ARHGAP28: variants seen among roughly 807,000 people sequenced by gnomAD.
ARHGAP28 encodes the protein Rho GTPase activating protein 28.
A neutral mutation model predicts 90.7 loss-of-function variants in ARHGAP28; 56 were observed. The observed-to-expected ratio is 0.62, with a 90% confidence interval of 0.50 to 0.77. The LOEUF is 0.77. Among genes scored for constraint, ARHGAP28 ranks in the 30% least tolerant of loss-of-function variants. ARHGAP28 has a pLI of 0.00. For missense variants in ARHGAP28, 869 were observed against 900.9 expected, an observed-to-expected ratio of 0.96 and a Z score of 0.45; for synonymous variants, 308 against 323.3, an observed-to-expected ratio of 0.95 and a Z score of 0.51.
At chr18:6,786,552 C>T (rs890892313) in intron 1 of ARHGAP28, among the ~76,000 whole-genome samples, 1 of 152,138 alleles carries the variant, frequency 6.6e-6, no homozygotes, top group Non-Finnish European at 1.5e-5. Flanking sequence ...ACCACACGCC[C>T]CCCAGCATGC....
At chr18:6,831,124 T>G (rs1427494328) in intron 2 of ARHGAP28, among the ~76,000 whole-genome samples, 1 of 152,186 alleles carries the variant, frequency 6.6e-6, no homozygotes, top group Non-Finnish European at 1.5e-5. Flanking sequence ...ATATGAGTGA[T>G]TCTAGTGGAT....
At position 6,912,333 on chromosome 18, in the gene ARHGAP28, A is replaced by C. The variant is rs1431390; in HGVS notation, c.*179A>C. The C allele has an allele frequency of 7.7e-6, 3 of 390,052 alleles. No homozygotes were observed. The highest frequency in any genetic ancestry group is 1.4e-5 in the Non-Finnish European group (3 of 217,276). 24.2% of individuals were successfully genotyped at this position (390,052 alleles called of 1,614,324 possible). The stretch of plus-strand genomic sequence containing the variant: ...GAAGAGGCGCCGGTTCACCAATTCA[A>C]CTGAAGCTTTCTCATGACTTTTTTT... On this transcript the variant is annotated 3_prime_UTR_variant, in exon 18 of 18. Transcript: ENST00000383472.
At chr18:6,813,208 G>A (rs1205861938) in intron 1 of ARHGAP28, among the ~76,000 whole-genome samples, 3 of 152,146 alleles carry the variant, frequency 2.0e-5, no homozygotes, top group Non-Finnish European at 4.4e-5. Flanking sequence ...TAGAAGACAC[G>A]AATTATTGAT....
chr18:6,835,499 A>G (rs922381477), intron 2 of ARHGAP28, among the ~76,000 whole-genome samples: 3 of 152,194 alleles, frequency 2.0e-5, no homozygotes, highest in African/African-American at 7.2e-5. Flanking sequence ...TGGGCCTGTA[A>G]TACACATCAA....
intron 5 of ARHGAP28, among the ~76,000 whole-genome samples, chr18:6,861,799 T>C (rs897888102): frequency 2.6e-5 from 4 of 152,350 alleles, no homozygotes; most frequent in Admixed American, 1.3e-4. Context: ...CGTTGGTTCA[T>C]TCAGTCATTC....
chr18:6,814,244 C>T (rs80026635), intron 1 of ARHGAP28, among the ~76,000 whole-genome samples: 1,943 of 152,190 alleles, frequency 0.013, 36 homozygotes, highest in African/African-American at 0.045. Context: ...AGTGAGGGCC[C>T]ATGAGGAGGA....
intron 16 of ARHGAP28, chr18:6,898,689 A>T: frequency 1.4e-6 from 2 of 1,418,644 alleles, no homozygotes; most frequent in Non-Finnish European, 1.8e-6. Context: ...TCGTAGAAAG[A>T]AAATGTTTCT....
intron 1 of ARHGAP28, among the ~76,000 whole-genome samples, chr18:6,730,712 A>G (rs7237200): frequency 0.27 from 40,284 of 151,916 alleles, 6,082 homozygotes; most frequent in South Asian, 0.33. Context: ...AAGTGGGTAG[A>G]CAAAAGTATT....
intron 1 of ARHGAP28, among the ~76,000 whole-genome samples, chr18:6,800,364 T>G (rs950723978): frequency 3.9e-5 from 6 of 152,342 alleles, no homozygotes; most frequent in African/African-American, 1.4e-4. Context: ...ACTGGGTATA[T>G]TCCCAAAGGA....
chr18:6,902,065 C>G (rs9960506), intron 16 of ARHGAP28, among the ~76,000 whole-genome samples: 3,066 of 152,228 alleles, frequency 0.02, 86 homozygotes, highest in African/African-American at 0.07. Flanking sequence ...TTAATTACAT[C>G]TGCAAATACC....
intron 3 of ARHGAP28, among the ~76,000 whole-genome samples, chr18:6,840,205 G>A (rs569562565): frequency 2.2e-4 from 33 of 152,308 alleles, no homozygotes; most frequent in African/African-American, 7.7e-4. Context: ...AAAATTCCCT[G>A]GGTTATTTTT....
intron 1 of ARHGAP28, 180 bp downstream of exon 1, chr18:6,730,123 G>A: frequency 1.8e-6 from 1 of 569,822 alleles, no homozygotes; most frequent in Non-Finnish European, 2.6e-6. Flanking sequence ...GGTGGGAAAC[G>A]CTCGAAGGCT....
chr18:6,741,001 C>A (rs2055972344), intron 1 of ARHGAP28, among the ~76,000 whole-genome samples: 1 of 152,116 alleles, frequency 6.6e-6, no homozygotes, highest in Non-Finnish European at 1.5e-5. Flanking sequence ...AGAACTGGCT[C>A]CCTGACTGGG....
At chr18:6,763,232 A>G (rs890341004) in intron 1 of ARHGAP28, among the ~76,000 whole-genome samples, 1 of 151,924 alleles carries the variant, frequency 6.6e-6, no homozygotes, top group Non-Finnish European at 1.5e-5. Flanking sequence ...ACAGGCATGC[A>G]CCACCGTGCC....
intron 14 of ARHGAP28, among the ~76,000 whole-genome samples, chr18:6,891,153 A>G (rs1212858725): frequency 6.6e-6 from 1 of 152,180 alleles, no homozygotes; most frequent in Non-Finnish European, 1.5e-5. Context: ...TTTGCCCTCA[A>G]AGGAACTTAC....
intron 1 of ARHGAP28, among the ~76,000 whole-genome samples, chr18:6,769,375 A>T (rs573575127): frequency 3.3e-5 from 5 of 152,304 alleles, no homozygotes; most frequent in African/African-American, 1.2e-4. Context: ...CTCCATGTCT[A>T]TCGTTTCATT....
intron 4 of ARHGAP28, among the ~76,000 whole-genome samples, chr18:6,856,958 T>C (rs1266203887): frequency 6.6e-6 from 1 of 152,246 alleles, no homozygotes; most frequent in Non-Finnish European, 1.5e-5. Context: ...CTAAATAATA[T>C]TGCATTGTAT....
At chr18:6,754,822 A>T (rs1382968401) in intron 1 of ARHGAP28, 1 of 152,112 alleles carries the variant, frequency 6.6e-6, no homozygotes, top group Non-Finnish European at 1.5e-5. Flanking sequence ...AAGGGTAAGG[A>T]GGTCAGGGGG....
intron 1 of ARHGAP28, chr18:6,773,874 A>G (rs2143427625): frequency 6.6e-6 from 1 of 152,256 alleles, no homozygotes; most frequent in African/African-American, 2.4e-5. Context: ...AGCCTTCTTG[A>G]GGCTGATTAC....
Sources: gnomAD v4.1 joint callset for allele counts (sites outside exome capture counted in the v4.1 genomes callset) on GRCh38, gnomAD v4.1.1 for gene constraint, MANE v1.5 for transcripts, NCBI Gene and HGNC (gene_info 2026-07-23, HGNC 2026-07-21) for gene names.